CPNE4: variants seen among roughly 807,000 people sequenced by gnomAD.
CPNE4 encodes the protein copine-4.
A neutral mutation model predicts 67.9 loss-of-function variants in CPNE4; 25 were observed. That is an observed-to-expected ratio of 0.37 (90% CI 0.27 to 0.51). CPNE4 has a LOEUF of 0.51. CPNE4 is among the 20% of genes least tolerant of loss of function. The probability of loss-of-function intolerance (pLI) is 0.93; values close to 1 mark genes in which losing one functional copy is unlikely to be tolerated. For missense variants in CPNE4, 464 were observed against 690.8 expected, an observed-to-expected ratio of 0.67 and a Z score of 3.68; for synonymous variants, 242 against 244.9, an observed-to-expected ratio of 0.99 and a Z score of 0.11.
chr3:131,586,155 G>T (rs1938167767), intron 8 of CPNE4, among the ~76,000 whole-genome samples: 1 of 152,136 alleles, frequency 6.6e-6, no homozygotes, highest in Non-Finnish European at 1.5e-5. Flanking sequence ...CAGGCACAGA[G>T]TATTATCTCT....
chr3:131,864,085 A>G lies in CPNE4; in HGVS notation c.180+41179T>C, dbSNP rs1413700497. Reference sequence around the variant, plus strand: ...TCTATATCTCTGTTTTGGTACCAGTACCATGCTGTTTTGGTTACTGTAGCC... The same window carrying G: ...TCTATATCTCTGTTTTGGTACCAGTGCCATGCTGTTTTGGTTACTGTAGCC... On this transcript the variant is annotated intron_variant, in intron 2 of 15. Transcript: ENST00000429747. Among the ~76,000 whole-genome samples the G allele has an allele frequency of 4.6e-5, 7 of 151,960 alleles. No homozygotes were observed. In the East Asian group the frequency reaches 1.4e-3, roughly 29 times the overall value.
intron 2 of CPNE4, among the ~76,000 whole-genome samples, chr3:131,881,377 A>C (rs2087668213): frequency 6.6e-6 from 1 of 152,098 alleles, no homozygotes. Context: ...TCCTTTGTTA[A>C]ACCTTCCCTA....
rs777555129 is a variant in CPNE4 at position 131,905,478 on chromosome 3, T to G, written c.-1-34A>C. 9.0e-6 allele frequency: 14 copies of G among 1,559,302 alleles called. No individual in the cohort carries two copies. The South Asian group carries it at 1.3e-4, about 14-fold the overall frequency. ...GGCAAGTAAAAGAATAAAAAAGAAGTGCCAATCACTGCAATATTTGTCAAA... is the reference window on the plus strand; with the variant it reads ...GGCAAGTAAAAGAATAAAAAAGAAGGGCCAATCACTGCAATATTTGTCAAA... On this transcript the variant is annotated intron_variant, in intron 1 of 15. Transcript: ENST00000429747.
chr3:131,699,973 G>C lies in CPNE4; in HGVS notation c.368C>G (p.Ser123Cys). The change falls in exon 4 of 16, where the codon TCC becomes TGC. Residue 123 changes from serine (S) to cysteine (C), a missense_variant. This residue lies in a region of CPNE4 where 170 missense variants were observed against 203.3 expected (regional missense o/e 0.84). Transcript: ENST00000429747. ...CAAGGATTTGGACAGCTTTCTCTGG[G>C]AAACAATCTGCAAAAAAGGAAACAA... The part of the protein sequence containing the change: ...GMECTLGQIV[S>C]QRKLSKSLLK... The C allele has an allele frequency of 1.3e-6, 2 of 1,597,430 alleles. No individual in the cohort carries two copies. The highest frequency in any genetic ancestry group is 1.7e-6 in the Non-Finnish European group (2 of 1,170,190).
rs1262430031 is a variant in CPNE4, at chr3:131,906,246, TG to T, written c.-1-803del. 9.2e-4 allele frequency among the ~76,000 whole-genome samples: 139 copies of T among 150,406 alleles called. 1 individual carries two copies. The highest frequency in any genetic ancestry group is 3.3e-3 in the African/African-American group (132 of 39,910). ...GTTTTGTTTTGTTTTATTTTGTTTT[TG>T]TTTTTTTGTTTTATTATTATTATAC... On this transcript the variant is annotated intron_variant, in intron 1 of 15. Coordinates refer to ENST00000429747, the MANE Select transcript of CPNE4 (RefSeq NM_130808.3).
chr3:131,844,918 C>T (rs890355976), intron 2 of CPNE4, among the ~76,000 whole-genome samples: 2 of 152,158 alleles, frequency 1.3e-5, no homozygotes, highest in African/African-American at 4.8e-5. Context: ...AGATAATACT[C>T]TTCAAAAAGT....
At chr3:131,587,762 C>A (rs1938281876) in intron 7 of CPNE4, among the ~76,000 whole-genome samples, 180 bp from the exon 8 acceptor site, 1 of 152,176 alleles carries the variant, frequency 6.6e-6, no homozygotes, top group Non-Finnish European at 1.5e-5. Context: ...TTTACTTGGA[C>A]TTTTTGTAAT....
At chr3:131,824,392 G>A (rs1423459750) in intron 2 of CPNE4, among the ~76,000 whole-genome samples, 2 of 152,066 alleles carry the variant, frequency 1.3e-5, no homozygotes, top group Non-Finnish European at 2.9e-5. Flanking sequence ...GCTTACCAGG[G>A]GACTCGAGTA....
chr3:131,751,989 A>G (rs1372937951), intron 2 of CPNE4, among the ~76,000 whole-genome samples: 1 of 151,812 alleles, frequency 6.6e-6, no homozygotes, highest in Non-Finnish European at 1.5e-5. Flanking sequence ...TGGCCTCATT[A>G]CTACTGGGCA....
chr3:131,655,317 ATGT>A (rs2079741149), intron 7 of CPNE4, among the ~76,000 whole-genome samples: 2 of 152,148 alleles, frequency 1.3e-5, no homozygotes, highest in African/African-American at 2.4e-5. Flanking sequence ...GGAGATTCTG[ATGT>A]TGCTAAAGTT....
chr3:131,770,259 G>T (rs1057089130), intron 2 of CPNE4, among the ~76,000 whole-genome samples: 9 of 152,280 alleles, frequency 5.9e-5, no homozygotes, highest in African/African-American at 2.2e-4. Flanking sequence ...ACATTTTAAA[G>T]AAAAGAATAA....
chr3:131,884,060 C>T (rs1166572240), intron 2 of CPNE4, among the ~76,000 whole-genome samples: 2 of 152,022 alleles, frequency 1.3e-5, no homozygotes, highest in African/African-American at 4.8e-5. Flanking sequence ...GTTTCACTTA[C>T]CATTGTTTAC....
chr3:131,721,639 C>A (rs1190710941), intron 3 of CPNE4, among the ~76,000 whole-genome samples: 1 of 152,116 alleles, frequency 6.6e-6, no homozygotes, highest in Admixed American at 6.6e-5. Flanking sequence ...TCGTGATCTG[C>A]CCTCCTTGGC....
intron 3 of CPNE4, among the ~76,000 whole-genome samples, chr3:131,709,080 A>G (rs2081495612): frequency 6.7e-6 from 1 of 149,648 alleles, no homozygotes; most frequent in Admixed American, 6.7e-5. Flanking sequence ...CGGTAAGTGG[A>G]CACATTACAT....
At chr3:131,907,033 A>C (rs558286650) in intron 1 of CPNE4, among the ~76,000 whole-genome samples, 1 of 152,242 alleles carries the variant, frequency 6.6e-6, no homozygotes, top group Non-Finnish European at 1.5e-5. Flanking sequence ...AACCCCATCA[A>C]AAAGGGGGGG....
intron 2 of CPNE4, among the ~76,000 whole-genome samples, chr3:131,789,399 G>A (rs561658904): frequency 6.6e-6 from 1 of 152,140 alleles, no homozygotes. Flanking sequence ...ATGTGATATA[G>A]CAACAAGTCA....
At chr3:131,647,266 G>C (rs1453373996) in intron 7 of CPNE4, among the ~76,000 whole-genome samples, 1 of 152,128 alleles carries the variant, frequency 6.6e-6, no homozygotes, top group Non-Finnish European at 1.5e-5. Context: ...TCAATACCTG[G>C]AGACGCTGTG....
chr3:132,034,964 C>A lies in CPNE4; in HGVS notation c.-399G>T. 2.0e-6 allele frequency: 2 copies of A among 985,522 alleles called. No individual in the cohort carries two copies. The highest frequency in any genetic ancestry group is 2.4e-6 in the Non-Finnish European group (2 of 830,134). The allele number at this position is 985,522 out of a possible 1,614,324, so 61.0% of individuals were successfully genotyped here. A position where few individuals can be genotyped will look rare whatever the true frequency, so the allele number is the denominator to read the frequency against. ...GGTGGCAGAAAGAGAAGGGGACGAG[C>A]GGGTGGCGGGGAGATGGCAGCTTCT... On this transcript the variant is annotated 5_prime_UTR_variant, in exon 1 of 16. Coordinates refer to ENST00000429747, the MANE Select transcript of CPNE4 (RefSeq NM_130808.3).
At chr3:131,978,875 G>T (rs2072826857) in intron 1 of CPNE4, among the ~76,000 whole-genome samples, 1 of 151,644 alleles carries the variant, frequency 6.6e-6, no homozygotes. Flanking sequence ...TATCCCAGAG[G>T]TTTTGACAGA....
Sources: gnomAD v4.1 joint callset for allele counts (sites outside exome capture counted in the v4.1 genomes callset) on GRCh38, gnomAD v4.1.1 for gene constraint, gnomAD v4.1.1 regional missense constraint, MANE v1.5 for transcripts, NCBI Gene and HGNC (gene_info 2026-07-23, HGNC 2026-07-21) for gene names.